The following NRG3 variants were observed in gnomAD, a reference collection of about 807,000 sequenced individuals.
NRG3 encodes the protein neuregulin 3, also known as pro-neuregulin-3, membrane-bound isoform.
A neutral mutation model predicts 66.9 loss-of-function variants in NRG3; 31 were observed. The observed-to-expected ratio is 0.46, with a 90% CI of 0.35 to 0.63. The LOEUF (loss-of-function observed/expected upper bound fraction) is 0.63, where lower values mean the gene tolerates loss of function less well. NRG3 is among the 20% of genes least tolerant of loss of function. NRG3 has a pLI of 0.00. For synonymous variants in NRG3, 393 were observed against 359.4 expected (o/e 1.09, Z -1.06); for missense variants, 910 against 878.9 (o/e 1.04, Z -0.45).
intron 2 of NRG3, among the ~76,000 whole-genome samples, chr10:82,452,538 C>T (rs959375886): frequency 3.3e-5 from 5 of 152,130 alleles, no homozygotes; most frequent in Admixed American, 6.5e-5. Context: ...ATGTGAGAAT[C>T]GTCTTTCTTC....
chr10:82,891,781 G>A (rs1028598397), intron 4 of NRG3, among the ~76,000 whole-genome samples: 2 of 151,806 alleles, frequency 1.3e-5, no homozygotes, highest in South Asian at 4.2e-4. Flanking sequence ...ATGTCTCTCT[G>A]TCTGGGTAGA....
At chr10:82,108,984 C>A (rs976789325) in intron 1 of NRG3, among the ~76,000 whole-genome samples, 1 of 152,138 alleles carries the variant, frequency 6.6e-6, no homozygotes, top group African/African-American at 2.4e-5. Context: ...TGGGCCATTA[C>A]CCTTCACTAG....
intron 1 of NRG3, among the ~76,000 whole-genome samples, chr10:82,197,018 G>T (rs2074486033): frequency 6.6e-6 from 1 of 152,170 alleles, no homozygotes; most frequent in Admixed American, 6.5e-5. Flanking sequence ...GAGGTTCATG[G>T]AAGTCCATAA....
In NRG3 at chr10:82,807,370, A is replaced by T. The variant is rs546243595; in HGVS notation, c.1028-58041A>T. On this transcript the variant is annotated intron_variant, in intron 3 of 8. Transcript: ENST00000372141. ...GACTCAATAAGGGGAACTGACAGTC[A>T]TGAATACCTACTTTGTGTCTGGGGA... Among the ~76,000 whole-genome samples the T allele has an allele frequency of 1.4e-3, 216 of 152,346 alleles. 1 individual carries two copies. Among genetic ancestry groups the T allele is most frequent in the Non-Finnish European group, 2.4e-3 (165 of 68,032 alleles).
chr10:81,975,343 A>G (rs912193501), intron 1 of NRG3, among the ~76,000 whole-genome samples: 1 of 151,704 alleles, frequency 6.6e-6, no homozygotes, highest in African/African-American at 2.4e-5. Context: ...CTATCTATCT[A>G]TCTATCTATC....
chr10:82,969,806 A>G (rs1389794212), intron 6 of NRG3, among the ~76,000 whole-genome samples: 3 of 152,214 alleles, frequency 2.0e-5, no homozygotes, highest in Admixed American at 2.0e-4. Flanking sequence ...CTCCTAAGTA[A>G]TTGCGTGAGA....
At chr10:82,932,003 G>A (rs765109251) in intron 4 of NRG3, among the ~76,000 whole-genome samples, 2 of 152,076 alleles carry the variant, frequency 1.3e-5, no homozygotes, top group Non-Finnish European at 2.9e-5. Context: ...ATCATCCCTG[G>A]ATATTTGCCT....
At chr10:82,580,801 A>G (rs571925347) in intron 2 of NRG3, among the ~76,000 whole-genome samples, 3 of 151,112 alleles carry the variant, frequency 2.0e-5, no homozygotes, top group Non-Finnish European at 4.4e-5. Flanking sequence ...TTGTTTATTT[A>G]TTATTTGCAG....
chr10:82,951,640 T>C (rs112935607), intron 5 of NRG3, 69 bp downstream of exon 5: 2 of 1,318,254 alleles, frequency 1.5e-6, no homozygotes, highest in Admixed American at 1.7e-5. Context: ...CTTTAAGTTC[T>C]CAGTCTGTGT....
At chr10:81,952,080 G>C (rs572342844) in intron 1 of NRG3, among the ~76,000 whole-genome samples, 4 of 152,086 alleles carry the variant, frequency 2.6e-5, no homozygotes, top group Admixed American at 2.6e-4. Flanking sequence ...ATCACACACC[G>C]GGGCCTGTTG....
intron 2 of NRG3, among the ~76,000 whole-genome samples, chr10:82,391,732 A>T (rs1427432836): frequency 6.6e-6 from 1 of 152,108 alleles, no homozygotes; most frequent in Non-Finnish European, 1.5e-5. Flanking sequence ...AAAGACTTAT[A>T]TGTGTGGAAG....
intron 2 of NRG3, among the ~76,000 whole-genome samples, chr10:82,580,408 T>C (rs2046289403): frequency 6.6e-6 from 1 of 151,974 alleles, no homozygotes. Context: ...ATATTATTAT[T>C]AACTGAAGTC....
chr10:81,940,216 A>G (rs1473618751), intron 1 of NRG3, among the ~76,000 whole-genome samples: 1 of 152,090 alleles, frequency 6.6e-6, no homozygotes, highest in Non-Finnish European at 1.5e-5. Context: ...TGTTTTGCAT[A>G]TGCTTGAGAA....
At chr10:82,615,224 C>T (rs746048973) in intron 2 of NRG3, among the ~76,000 whole-genome samples, 4 of 151,798 alleles carry the variant, frequency 2.6e-5, no homozygotes, top group African/African-American at 7.2e-5. Flanking sequence ...ACATAGTTTG[C>T]GAGTTTAGAA....
At chr10:82,733,438 AC>A (rs2058016116) in intron 2 of NRG3, among the ~76,000 whole-genome samples, 4 of 152,178 alleles carry the variant, frequency 2.6e-5, no homozygotes. Flanking sequence ...CCTAAAATAT[AC>A]CCATACAACT....
chr10:82,560,597 T>C (rs1188977513), intron 2 of NRG3, among the ~76,000 whole-genome samples: 1 of 151,056 alleles, frequency 6.6e-6, no homozygotes. Flanking sequence ...AGTAAAATTA[T>C]AGTTTTATTT....
intron 3 of NRG3, among the ~76,000 whole-genome samples, chr10:82,863,510 C>T (rs1261452363): frequency 1.3e-5 from 2 of 152,226 alleles, no homozygotes; most frequent in African/African-American, 4.8e-5. Flanking sequence ...TCCACGTCCT[C>T]TCCAGCATCT....
intron 2 of NRG3, among the ~76,000 whole-genome samples, chr10:82,535,094 G>A (rs1185017589): frequency 6.6e-6 from 1 of 150,488 alleles, no homozygotes; most frequent in African/African-American, 2.5e-5. Context: ...GGTGGAGGCT[G>A]CAGTGTGCTG....
chr10:82,985,780 T>A lies in NRG3; in HGVS notation c.*175T>A. The stretch of plus-strand genomic sequence containing the variant: ...AAAATATTTTTTTAAGGGAAAGAAA[T>A]GTTTCAGGAGGGATAAAGCTTACCA... On this transcript the variant is annotated 3_prime_UTR_variant, in exon 9 of 9. Transcript: ENST00000372141. The A allele has an allele frequency of 1.4e-6, 1 of 706,964 alleles. No homozygotes were observed. The highest frequency in any genetic ancestry group is 2.0e-5 in the South Asian group (1 of 50,310). The allele number at this position is 706,964 out of a possible 1,614,324, so 43.8% of individuals were successfully genotyped here.
Sources: allele counts gnomAD v4.1 joint callset (sites outside exome capture counted in the v4.1 genomes callset), GRCh38; gene constraint gnomAD v4.1.1; transcripts MANE v1.5; gene names NCBI Gene and HGNC (gene_info 2026-07-23, HGNC 2026-07-21).